Variants in PLPPR1 observed in about 807,000 individuals in gnomAD.
PLPPR1 encodes phospholipid phosphatase related 1, also known as phospholipid phosphatase-related protein type 1.
PLPPR1 carries 10 observed loss-of-function variants against 33.1 expected under a neutral mutation model. The ratio of observed to expected loss-of-function variants is 0.30; its 90% CI spans 0.19 to 0.51. The LOEUF (loss-of-function observed/expected upper bound fraction) is 0.51, where lower values mean the gene tolerates loss of function less well. PLPPR1 is among the 20% of genes least tolerant of loss of function. The pLI is 0.97. For synonymous variants in PLPPR1, 151 were observed against 151.0 expected, an observed-to-expected ratio of 1.00 and a Z score of 0.00; for missense variants, 304 against 408.1, an observed-to-expected ratio of 0.74 and a Z score of 2.20.
intron 2 of PLPPR1, among the ~76,000 whole-genome samples, chr9:101,192,889 A>C (rs1428723829): frequency 2.6e-5 from 4 of 152,240 alleles, no homozygotes; most frequent in Non-Finnish European, 5.9e-5. Flanking sequence ...TTTCTTACTT[A>C]AACATCATTT....
chr9:101,087,072 G>T (rs968172748), intron 1 of PLPPR1, among the ~76,000 whole-genome samples: 2 of 151,958 alleles, frequency 1.3e-5, no homozygotes, highest in Non-Finnish European at 2.9e-5. Context: ...CAGCTACTCA[G>T]AAGGCTGAGG....
chr9:101,177,246 C>T (rs1826031768), intron 1 of PLPPR1, among the ~76,000 whole-genome samples: 1 of 152,124 alleles, frequency 6.6e-6, no homozygotes. Context: ...AATCCATGAA[C>T]ATGGGATGCC....
At chr9:101,108,286 C>G (rs1199048658) in intron 1 of PLPPR1, among the ~76,000 whole-genome samples, 4 of 152,160 alleles carry the variant, frequency 2.6e-5, no homozygotes, top group Non-Finnish European at 5.9e-5. Context: ...TGATAAAAAT[C>G]AATTGATCTG....
chr9:101,049,313 A>G (rs1830191486), intron 1 of PLPPR1, among the ~76,000 whole-genome samples: 1 of 152,192 alleles, frequency 6.6e-6, no homozygotes, highest in Admixed American at 6.5e-5. Flanking sequence ...AGTAGATAAA[A>G]TCTGGAAAAA....
intron 1 of PLPPR1, among the ~76,000 whole-genome samples, chr9:101,033,335 G>T (rs936938274): frequency 1.4e-4 from 22 of 152,306 alleles, no homozygotes; most frequent in African/African-American, 5.3e-4. Flanking sequence ...GGGGAAGGAG[G>T]TTAGCTCAGG....
At chr9:101,319,444 G>A (rs1829113848) in intron 7 of PLPPR1, among the ~76,000 whole-genome samples, 1 of 151,570 alleles carries the variant, frequency 6.6e-6, no homozygotes, top group Non-Finnish European at 1.5e-5. Flanking sequence ...TATTATTAAT[G>A]AACCAGGTTT....
intron 4 of PLPPR1, among the ~76,000 whole-genome samples, chr9:101,292,375 T>C (rs1243874026): frequency 6.6e-6 from 1 of 152,138 alleles, no homozygotes; most frequent in Non-Finnish European, 1.5e-5. Flanking sequence ...CTGCAGGATA[T>C]TATCCAGGAG....
chr9:101,202,366 C>G (rs1395863232), intron 2 of PLPPR1, among the ~76,000 whole-genome samples: 1 of 152,162 alleles, frequency 6.6e-6, no homozygotes, highest in Non-Finnish European at 1.5e-5. Flanking sequence ...CCCTTATCCT[C>G]CAAAAATATT....
chr9:101,132,381 T>C (rs1831323741), intron 1 of PLPPR1, among the ~76,000 whole-genome samples: 1 of 152,130 alleles, frequency 6.6e-6, no homozygotes, highest in African/African-American at 2.4e-5. Flanking sequence ...TTAAAGTGCA[T>C]ATTACTAAGT....
At chr9:101,146,444 C>A (rs966668268) in intron 1 of PLPPR1, among the ~76,000 whole-genome samples, 4 of 152,156 alleles carry the variant, frequency 2.6e-5, no homozygotes, top group Non-Finnish European at 4.4e-5. Flanking sequence ...CCAAAAACTA[C>A]CAGCCAGTCT....
At chr9:101,232,140 T>G (rs1405486717) in intron 2 of PLPPR1, among the ~76,000 whole-genome samples, 6 of 152,098 alleles carry the variant, frequency 3.9e-5, no homozygotes, top group African/African-American at 1.4e-4. Context: ...GACAGGAAGT[T>G]GAACTGATTT....
chr9:101,258,766 C>T (rs1374546778), intron 2 of PLPPR1, among the ~76,000 whole-genome samples: 3 of 152,148 alleles, frequency 2.0e-5, no homozygotes, highest in Non-Finnish European at 2.9e-5. Flanking sequence ...TCTTGAGCCT[C>T]TCAGGCTCGA....
At chr9:101,247,452 GATTT>G (rs1676739388) in intron 2 of PLPPR1, among the ~76,000 whole-genome samples, 1 of 152,064 alleles carries the variant, frequency 6.6e-6, no homozygotes, top group African/African-American at 2.4e-5. Flanking sequence ...CCTCAAGAGA[GATTT>G]ATGAGGAAAA....
At chr9:101,215,957 G>A (rs759445803) in intron 2 of PLPPR1, among the ~76,000 whole-genome samples, 1 of 152,158 alleles carries the variant, frequency 6.6e-6, no homozygotes, top group Non-Finnish European at 1.5e-5. Context: ...ACATAGGAGT[G>A]TAGCTATCTC....
chr9:101,136,075 C>G (rs900066023), intron 1 of PLPPR1, among the ~76,000 whole-genome samples: 13 of 152,224 alleles, frequency 8.5e-5, no homozygotes, highest in African/African-American at 3.1e-4. Context: ...AATCTCTCTC[C>G]TTCACCTCTG....
At chr9:101,265,305 A>T (rs945795578) in intron 2 of PLPPR1, among the ~76,000 whole-genome samples, 18 of 152,306 alleles carry the variant, frequency 1.2e-4, no homozygotes, top group Middle Eastern at 3.4e-3. Context: ...GCAACAGCTG[A>T]GGAAAGTCCC....
intron 2 of PLPPR1, among the ~76,000 whole-genome samples, chr9:101,233,490 G>C (rs1827231373): frequency 5.3e-5 from 8 of 151,914 alleles, no homozygotes; most frequent in Admixed American, 5.3e-4. Flanking sequence ...TTTAATGTTT[G>C]TCCCCTTCAA....
intron 2 of PLPPR1, 120 bp from the exon 3 acceptor site, chr9:101,269,760 A>G (rs1005715750): frequency 1.8e-5 from 17 of 920,344 alleles, no homozygotes; most frequent in African/African-American, 3.2e-5. Flanking sequence ...GCACGCACAC[A>G]CTCGCCAATA....
intron 2 of PLPPR1, among the ~76,000 whole-genome samples, chr9:101,199,260 C>T (rs1466870966): frequency 6.6e-6 from 1 of 152,176 alleles, no homozygotes; most frequent in Non-Finnish European, 1.5e-5. Flanking sequence ...CTATGTCACC[C>T]TTTCTTATAA....
Sources: gnomAD v4.1 joint callset for allele counts (sites outside exome capture counted in the v4.1 genomes callset) on GRCh38, gnomAD v4.1.1 for gene constraint, MANE v1.5 for transcripts, NCBI Gene and HGNC (gene_info 2026-07-23, HGNC 2026-07-21) for gene names.